Variants in NDUFB3 observed in about 807,000 individuals in gnomAD.
The protein encoded by NDUFB3 is NADH:ubiquinone oxidoreductase subunit B3, also known as NADH dehydrogenase [ubiquinone] 1 beta subcomplex subunit 3.
NDUFB3 carries 7 observed loss-of-function variants against 9.0 expected under a neutral mutation model. The ratio of observed to expected loss-of-function variants is 0.78; its 90% CI spans 0.44 to 1.46. The LOEUF (loss-of-function observed/expected upper bound fraction) is 1.46, where lower values mean the gene tolerates loss of function less well. Among genes scored for constraint, NDUFB3 ranks in the 40% most tolerant of loss-of-function variants. The pLI is 0.01. For missense variants in NDUFB3, 93 were observed against 115.4 expected (o/e 0.81, Z 0.89); for synonymous variants, 29 against 38.5 (o/e 0.75, Z 0.91).
intron 2 of NDUFB3, among the ~76,000 whole-genome samples, chr2:201,081,991 A>C (rs1440200119): frequency 6.6e-6 from 1 of 150,542 alleles, no homozygotes; most frequent in Non-Finnish European, 1.5e-5. Context: ...AATTTTTTGT[A>C]TTTTTTAGTA....
At chr2:201,084,268 C>T (rs2047264482) in intron 2 of NDUFB3, among the ~76,000 whole-genome samples, 1 of 149,494 alleles carries the variant, frequency 6.7e-6, no homozygotes, top group African/African-American at 2.5e-5. Context: ...CCAGCCCAGG[C>T]GACAGTGCGA....
At chr2:201,081,826 T>C (rs1363517441) in intron 2 of NDUFB3, among the ~76,000 whole-genome samples, 1 of 149,988 alleles carries the variant, frequency 6.7e-6, no homozygotes, top group Non-Finnish European at 1.5e-5. Context: ...TTTTTTTTTT[T>C]TTTTTTTGAA....
intron 2 of NDUFB3, among the ~76,000 whole-genome samples, chr2:201,080,699 CTTTTTTTTT>C (rs58130221): frequency 3.0e-5 from 3 of 99,010 alleles, no homozygotes; most frequent in East Asian, 5.9e-4. Context: ...AGATCTCCAA[CTTTTTTTTT>C]TTTTTTTTTT....
intron 1 of NDUFB3, among the ~76,000 whole-genome samples, chr2:201,078,218 C>T (rs373137614): frequency 6.6e-6 from 1 of 152,108 alleles, no homozygotes; most frequent in Non-Finnish European, 1.5e-5. Context: ...AGGAGAATGG[C>T]GTGAACCCGG....
At chr2:201,083,190 A>G (rs1285427436) in intron 2 of NDUFB3, among the ~76,000 whole-genome samples, 1 of 152,152 alleles carries the variant, frequency 6.6e-6, no homozygotes, top group South Asian at 2.1e-4. Flanking sequence ...ATGTTGAATG[A>G]AAGTGGTGGA....
intron 1 of NDUFB3, among the ~76,000 whole-genome samples, chr2:201,078,158 C>T (rs896658406): frequency 3.3e-5 from 5 of 152,014 alleles, no homozygotes; most frequent in Non-Finnish European, 5.9e-5. Context: ...AAAAATTAGC[C>T]GGGCGTGGTG....
At chr2:201,078,776 T>G (rs368674247) in intron 1 of NDUFB3, 105 bp from the exon 2 acceptor site, 7 of 1,135,864 alleles carry the variant, frequency 6.2e-6, no homozygotes, top group South Asian at 4.8e-5. Flanking sequence ...TATTGGCTTT[T>G]TTTTTTAATA....
At chr2:201,082,699 CTTTTTTT>C (rs1170018569) in intron 2 of NDUFB3, among the ~76,000 whole-genome samples, 19 of 100,440 alleles carry the variant, frequency 1.9e-4, no homozygotes, top group South Asian at 1.6e-3. Context: ...GCTAAATTCA[CTTTTTTT>C]TTTTTTTTTT....
chr2:201,075,565 C>CAAAA (rs771947770), intron 1 of NDUFB3, among the ~76,000 whole-genome samples: 1 of 47,996 alleles, frequency 2.1e-5, no homozygotes. Flanking sequence ...GACTCTGTCT[C>CAAAA]AAAAAAAAAA....
intron 2 of NDUFB3, among the ~76,000 whole-genome samples, chr2:201,079,245 A>G (rs2047198522): frequency 6.6e-6 from 1 of 151,446 alleles, no homozygotes; most frequent in African/African-American, 2.4e-5. Flanking sequence ...CCCGGGTTCA[A>G]GTGATTCTCT....
At position 201,078,978 on chromosome 2, in the gene NDUFB3, C is replaced by G. The variant is rs538153415; in HGVS notation, c.96C>G (p.Ile32Met). Residue 32 changes from isoleucine to methionine, a missense_variant, in exon 2 of 3, where the codon ATC (isoleucine) becomes ATG (methionine). By Grantham distance (10) the Ile-to-Met change is conservative. Coordinates refer to ENST00000237889, the MANE Select transcript of NDUFB3 (RefSeq NM_002491.3). The stretch of plus-strand genomic sequence containing the variant: ...TAGAAGGGACACCATTAGAAACTAT[C>G]CAGAAGAAGCTGGCTGCAAAAGGGC... ...WKIEGTPLET[I>M]QKKLAAKGLR... 17 of 1,613,324 alleles carry G rather than the reference C, an allele frequency of 1.1e-5. No individual in the cohort carries two copies. In the African/African-American group the frequency reaches 1.2e-4, roughly 11 times the overall value.
At chr2:201,079,613 T>A (rs1490699070) in intron 2 of NDUFB3, among the ~76,000 whole-genome samples, 2 of 152,056 alleles carry the variant, frequency 1.3e-5, no homozygotes, top group African/African-American at 4.8e-5. Flanking sequence ...CAGCTAATTT[T>A]TATATTGTTA....
At chr2:201,083,503 T>TAA (rs1256442691) in intron 2 of NDUFB3, among the ~76,000 whole-genome samples, 9 of 151,884 alleles carry the variant, frequency 5.9e-5, no homozygotes, top group African/African-American at 2.2e-4. Flanking sequence ...TACAGGCATG[T>TAA]GCCACCACAC....
At position 201,079,030 on chromosome 2, in the gene NDUFB3, G is replaced by A. The variant is rs1265816575; in HGVS notation, c.140+8G>A. On this transcript the variant is annotated splice_region_variant and intron_variant, in intron 2 of 2. Coordinates refer to ENST00000237889, the MANE Select transcript of NDUFB3 (RefSeq NM_002491.3). ...AAGGGATCCATGGGGCCGGTAAGAT[G>A]AATTAAGTAATTTAGATAGAATGTA... is the stretch of plus-strand genomic sequence containing the variant. The A allele has an allele frequency of 6.2e-7, 1 of 1,604,738 alleles. No homozygotes were observed. Among genetic ancestry groups the A allele is most frequent in the Non-Finnish European group, 8.5e-7 (1 of 1,177,566 alleles).
rs954935174 is a variant in NDUFB3 at position 201,085,742 on chromosome 2, A to G, written c.*127A>G. The G allele has an allele frequency of 8.5e-6, 6 of 703,504 alleles. No individual in the cohort carries two copies. The highest frequency in any genetic ancestry group is 7.0e-5 in the Admixed American group (2 of 28,422). 43.6% of individuals were successfully genotyped at this position (703,504 alleles called of 1,614,324 possible). ...AGATTTAATCAATTAAAATATATAT[A>G]TATGCCAATCTGCTTTTGTCATTCT... On this transcript the variant is annotated 3_prime_UTR_variant, in exon 3 of 3. Coordinates refer to ENST00000237889, the MANE Select transcript of NDUFB3 (RefSeq NM_002491.3).
chr2:201,078,808 A>G (rs1409967869), intron 1 of NDUFB3, 73 bp from the exon 2 acceptor site: 4 of 1,410,942 alleles, frequency 2.8e-6, no homozygotes, highest in Non-Finnish European at 3.9e-6. Context: ...ACCTTAAAAC[A>G]TAAACAATAA....
At chr2:201,073,784 G>GT (rs201733992) in intron 1 of NDUFB3, among the ~76,000 whole-genome samples, 4,266 of 149,692 alleles carry the variant, frequency 0.028, 210 homozygotes, top group African/African-American at 0.099. Context: ...AAAAAAATTT[G>GT]TTTTTTTTTA....
rs958318246 is a variant in NDUFB3 at position 201,085,709 on chromosome 2, T to C, written c.*94T>C. The C allele has an allele frequency of 1.2e-5, 12 of 1,008,396 alleles. No individual in the cohort carries two copies. Among genetic ancestry groups the C allele is most frequent in the Non-Finnish European group, 1.7e-5 (12 of 711,550 alleles). The allele number at this position is 1,008,396 out of a possible 1,614,324, so 62.5% of individuals were successfully genotyped here. On this transcript the variant is annotated 3_prime_UTR_variant, in exon 3 of 3. Transcript: ENST00000237889. ...CTTGTCTGGTTTATCCCTTACAGAA[T>C]ATTAGTAAGATTTAATCAATTAAAA...
At chr2:201,083,760 T>A (rs1390876065) in intron 2 of NDUFB3, among the ~76,000 whole-genome samples, 1 of 152,248 alleles carries the variant, frequency 6.6e-6, no homozygotes, top group Non-Finnish European at 1.5e-5. Flanking sequence ...TTCTATTAAT[T>A]TTCAAATATA....
Sources: allele counts gnomAD v4.1 joint callset (sites outside exome capture counted in the v4.1 genomes callset), GRCh38; gene constraint gnomAD v4.1.1; transcripts MANE v1.5; gene names NCBI Gene and HGNC (gene_info 2026-07-23, HGNC 2026-07-21).